NPAS3: variants seen among roughly 807,000 people sequenced by gnomAD.
NPAS3 encodes neuronal PAS domain protein 3.
Under a neutral mutation model 73.1 loss-of-function variants are expected in NPAS3, and 14 were observed. The ratio of observed to expected loss-of-function variants is 0.19; its 90% confidence interval spans 0.13 to 0.30. NPAS3 has a LOEUF of 0.30. Ranked by LOEUF, NPAS3 falls within the 10% of genes least tolerant of loss-of-function variation. The probability of loss-of-function intolerance (pLI) is 1.00; values close to 1 mark genes in which losing one functional copy is unlikely to be tolerated. For missense variants in NPAS3, 1,096 were observed against 1,250.0 expected (o/e 0.88, Z 1.86); for synonymous variants, 620 against 541.5 (o/e 1.14, Z -2.01).
At chr14:33,375,535 G>T (rs1321259853) in intron 4 of NPAS3, among the ~76,000 whole-genome samples, 3 of 152,082 alleles carry the variant, frequency 2.0e-5, no homozygotes, top group African/African-American at 7.2e-5. Context: ...TAAATTAGTT[G>T]CTTTTAAATT....
intron 4 of NPAS3, among the ~76,000 whole-genome samples, chr14:33,409,509 C>G (rs568003060): frequency 6.6e-6 from 1 of 152,242 alleles, no homozygotes; most frequent in Non-Finnish European, 1.5e-5. Flanking sequence ...TTGCCTATCT[C>G]TATAAACTCA....
At chr14:33,659,392 G>A (rs774509146) in intron 5 of NPAS3, among the ~76,000 whole-genome samples, 13 of 152,128 alleles carry the variant, frequency 8.5e-5, no homozygotes, top group African/African-American at 1.7e-4. Context: ...ATGTAAGAGC[G>A]TTAGAAAATC....
At chr14:33,056,125 A>C (rs1043884373) in intron 2 of NPAS3, 131 bp downstream of exon 2, 11 of 543,610 alleles carry the variant, frequency 2.0e-5, no homozygotes, top group African/African-American at 1.9e-4. Flanking sequence ...AAAAAACAAA[A>C]AAACAAACCA....
chr14:33,354,680 C>T (rs7151675), intron 3 of NPAS3, among the ~76,000 whole-genome samples: 8,679 of 152,156 alleles, frequency 0.057, 692 homozygotes, highest in East Asian at 0.2. Context: ...CTTAACACCT[C>T]CCTGCCTTAC....
At chr14:33,473,585 A>G (rs1260030384) in intron 4 of NPAS3, among the ~76,000 whole-genome samples, 1 of 152,224 alleles carries the variant, frequency 6.6e-6, no homozygotes, top group Admixed American at 6.5e-5. Flanking sequence ...TCCTGCCCTC[A>G]AGGAGTTAAT....
chr14:33,578,014 C>T (rs1389787874), intron 5 of NPAS3, among the ~76,000 whole-genome samples: 1 of 152,098 alleles, frequency 6.6e-6, no homozygotes, highest in Non-Finnish European at 1.5e-5. Flanking sequence ...TTGAACATAC[C>T]CCATTGAGTT....
At position 33,800,496 on chromosome 14, in the gene NPAS3, A is replaced by C. The variant is rs1431979112; in HGVS notation, c.2189A>C (p.Gln730Pro). The change falls in exon 12 of 12, where the codon CAG becomes CCG. Residue 730 changes from glutamine to proline, a missense_variant. Coordinates refer to ENST00000356141, the Ensembl canonical transcript of NPAS3. The surrounding 1 kb of genome is among the most constrained non-coding windows in gnomAD (Gnocchi z 6.5). ...GACGGCGCGGCCGCCCGCAAGACTC[A>C]GTTCGGCGCCTCGGCCACCGCGGCC... 6.9e-7 allele frequency: 1 copy of C among 1,448,056 alleles called. No homozygotes were observed. The highest frequency in any genetic ancestry group is 9.0e-7 in the Non-Finnish European group (1 of 1,107,920). The allele number at this position is 1,448,056 out of a possible 1,614,324, so 89.7% of individuals were successfully genotyped here. A position where few individuals can be genotyped will look rare whatever the true frequency, so the allele number is the denominator to read the frequency against.
At chr14:33,645,933 A>T (rs1196543109) in intron 5 of NPAS3, among the ~76,000 whole-genome samples, 1 of 152,220 alleles carries the variant, frequency 6.6e-6, no homozygotes, top group African/African-American at 2.4e-5. Context: ...GGGAGCTGGA[A>T]GCACAGCAGT....
intron 3 of NPAS3, among the ~76,000 whole-genome samples, chr14:33,354,660 C>G (rs1435658279): frequency 6.6e-6 from 1 of 152,168 alleles, no homozygotes; most frequent in East Asian, 1.9e-4. Flanking sequence ...CTTCAACTTC[C>G]CATCTTCTCC....
In NPAS3 at chr14:33,317,033, G is replaced by A. The variant is rs369257257; in HGVS notation, c.386-50153G>A. On this transcript the variant is annotated intron_variant, in intron 3 of 11. Coordinates refer to ENST00000356141, the Ensembl canonical transcript of NPAS3. ...ATGCTCCTTCAGATTTGACTTCAGT[G>A]TCTAATAGGAGTGAGAGGGAAGAAA... Among the ~76,000 whole-genome samples, 6 of 152,064 alleles carry A rather than the reference G, an allele frequency of 3.9e-5. 1 individual carries two copies. The East Asian group carries it at 9.7e-4, about 25-fold the overall frequency.
intron 6 of NPAS3, among the ~76,000 whole-genome samples, chr14:33,714,029 T>G (rs2060892724): frequency 6.6e-6 from 1 of 152,170 alleles, no homozygotes. Context: ...CCTTCAAGTC[T>G]GTAATCAGAT....
At chr14:33,608,291 T>C (rs1238738547) in intron 5 of NPAS3, among the ~76,000 whole-genome samples, 2 of 151,968 alleles carry the variant, frequency 1.3e-5, no homozygotes, top group African/African-American at 4.8e-5. Flanking sequence ...CTTTGCATTA[T>C]TTTATGAAAG....
chr14:33,572,087 T>A (rs1359950601), intron 5 of NPAS3, among the ~76,000 whole-genome samples: 1 of 152,174 alleles, frequency 6.6e-6, no homozygotes, highest in Admixed American at 6.5e-5. Context: ...TCATATTTAT[T>A]ATATTTCCCA....
intron 2 of NPAS3, among the ~76,000 whole-genome samples, chr14:33,104,138 C>T (rs921288166): frequency 4.6e-5 from 7 of 152,132 alleles, no homozygotes; most frequent in Admixed American, 1.3e-4. Context: ...TAGACTATTG[C>T]ATCTCCCTGT....
At chr14:33,379,977 C>CGTGTGTGTGTGTGTGTGTGTGTGT (rs34208750) in intron 4 of NPAS3, among the ~76,000 whole-genome samples, 8 of 144,336 alleles carry the variant, frequency 5.5e-5, no homozygotes, top group African/African-American at 2.1e-4. Flanking sequence ...AGTTATCCCT[C>CGTGTGTGTGTGTGTGTGTGTGTGT]GTGTGTGTGT....
At chr14:33,055,809 CAAAATATATT>C in intron 1 of NPAS3, 86 bp from the exon 2 acceptor site, 1 of 679,406 alleles carries the variant, frequency 1.5e-6, no homozygotes, top group Non-Finnish European at 2.7e-6. Flanking sequence ...GCGTAAAAAG[CAAAATATATT>C]GAATTTCAAC....
chr14:33,333,451 C>T (rs2044077260), intron 3 of NPAS3, among the ~76,000 whole-genome samples: 1 of 152,060 alleles, frequency 6.6e-6, no homozygotes, highest in Non-Finnish European at 1.5e-5. Flanking sequence ...ACATGCAAAC[C>T]TTATGAAGTA....
intron 5 of NPAS3, among the ~76,000 whole-genome samples, chr14:33,622,095 C>T (rs2058092427): frequency 1.3e-5 from 2 of 152,114 alleles, no homozygotes; most frequent in Admixed American, 1.3e-4. Context: ...TCTGCTTCAC[C>T]CATCTCTCTT....
At chr14:33,221,974 G>T (rs573897054) in intron 3 of NPAS3, among the ~76,000 whole-genome samples, 47 of 152,190 alleles carry the variant, frequency 3.1e-4, no homozygotes, top group African/African-American at 4.8e-4. Context: ...GCTCAGAAAT[G>T]AAGACCCAGA....
Sources: allele counts gnomAD v4.1 joint callset (sites outside exome capture counted in the v4.1 genomes callset), GRCh38; gene constraint gnomAD v4.1.1; non-coding constraint Gnocchi (gnomAD v3.1); transcripts MANE v1.5; gene names NCBI Gene and HGNC (gene_info 2026-07-23, HGNC 2026-07-21).